The following FZD6 variants were observed in gnomAD, a reference collection of about 807,000 sequenced individuals.
FZD6 encodes the protein frizzled-6.
A neutral mutation model predicts 61.4 loss-of-function variants in FZD6; 49 were observed. The ratio of observed to expected loss-of-function variants is 0.80; its 90% CI spans 0.63 to 1.01. FZD6 has a LOEUF of 1.01. FZD6 is among the 50% of genes least tolerant of loss of function. The probability of loss-of-function intolerance (pLI) is 0.00; values close to 1 mark genes in which losing one functional copy is unlikely to be tolerated. For missense variants in FZD6, 724 were observed against 848.2 expected (o/e 0.85, Z 1.82); for synonymous variants, 265 against 292.2 (o/e 0.91, Z 0.95).
At chr8:103,305,665 G>A (rs1222672480) in intron 2 of FZD6, among the ~76,000 whole-genome samples, 2 of 152,220 alleles carry the variant, frequency 1.3e-5, no homozygotes, top group African/African-American at 4.8e-5. Context: ...GAAATAAATA[G>A]TGAGAAGTGT....
intron 2 of FZD6, among the ~76,000 whole-genome samples, chr8:103,306,810 TTCA>T (rs1440060553): frequency 3.3e-5 from 5 of 151,982 alleles, no homozygotes; most frequent in African/African-American, 1.2e-4. Flanking sequence ...TGGCCCCAGG[TTCA>T]TCACTTTTTT....
Position 103,300,197 on chromosome 8 carries a change from C to T in FZD6, c.90C>T (p.Pro30=). 6 of 1,605,534 alleles carry T rather than the reference C, an allele frequency of 3.7e-6. No individual in the cohort carries two copies. Among genetic ancestry groups the T allele is most frequent in the Non-Finnish European group, 4.3e-6 (5 of 1,172,180 alleles). The change falls in exon 2 of 7, where the codon CCC becomes CCT. Residue 30 remains proline, a synonymous_variant. Transcript: ENST00000358755. ...SLFTCEPITV[P]RCMKMAYNMT... is the part of the protein sequence containing the mutation. ...TCACCTGTGAACCAATTACTGTTCC[C>T]AGATGTATGAAAATGGCCTACAACA...
At chr8:103,311,891 C>T (rs1814506250) in intron 2 of FZD6, among the ~76,000 whole-genome samples, 1 of 151,988 alleles carries the variant, frequency 6.6e-6, no homozygotes, top group Admixed American at 6.6e-5. Context: ...TACTCTGAGA[C>T]TCAGAAACAG....
Position 103,325,375 on chromosome 8 carries a change from G to A in FZD6, c.1269G>A (p.Leu423=), listed in dbSNP as rs779823367. ...FMIRIGVFSG[L]YLVPLVTLLG... is the part of the protein sequence containing the mutation. ...TTCGAATTGGAGTCTTCAGCGGCTT[G>A]TATCTTGTGCCATTAGTGACACTTC... Residue 423 remains leucine, a synonymous_variant, in exon 4 of 7, where the codon TTG becomes TTA. Transcript: ENST00000358755. 1 of 1,613,850 alleles carries A rather than the reference G, an allele frequency of 6.2e-7. No individual in the cohort carries two copies. The highest frequency in any genetic ancestry group is 8.5e-7 in the Non-Finnish European group (1 of 1,179,912).
At chr8:103,299,438 T>G (rs556033317) in intron 1 of FZD6, among the ~76,000 whole-genome samples, 1 of 152,306 alleles carries the variant, frequency 6.6e-6, no homozygotes, top group South Asian at 2.1e-4. Context: ...ATGTTGCTCC[T>G]CCACTGGAGG....
chr8:103,331,455 C>T lies in FZD6; in HGVS notation c.2067C>T (p.His689=), dbSNP rs2130351009. 2 of 1,611,214 alleles carry T rather than the reference C, an allele frequency of 1.2e-6. No homozygotes were observed. Among genetic ancestry groups the T allele is most frequent in the African/African-American group, 1.3e-5 (1 of 74,966 alleles). The change falls in exon 7 of 7, where the codon CAC becomes CAT. Residue 689 remains histidine (H), a synonymous_variant. Coordinates refer to ENST00000358755, the MANE Select transcript of FZD6 (RefSeq NM_003506.4). ...AAGGTTCCACATCTCTGCTTGTTCACCCGGTTTCAGGAGTGAGAAAAGAGC... is the reference window on the plus strand; with the variant it reads ...AAGGTTCCACATCTCTGCTTGTTCATCCGGTTTCAGGAGTGAGAAAAGAGC... ...SLKGSTSLLV[H]PVSGVRKEQG...
chr8:103,330,939 A>T (rs762368441), intron 6 of FZD6, among the ~76,000 whole-genome samples: 6 of 152,194 alleles, frequency 3.9e-5, no homozygotes, highest in East Asian at 3.9e-4. Context: ...GCACTTTGGG[A>T]GGCCAAGGTG....
intron 2 of FZD6, among the ~76,000 whole-genome samples, chr8:103,307,485 T>C (rs1453839864): frequency 2.0e-5 from 3 of 152,156 alleles, no homozygotes; most frequent in Non-Finnish European, 1.5e-5. Context: ...TATATTCTAG[T>C]GGAGGGAATG....
At chr8:103,312,572 A>G (rs957559628) in intron 2 of FZD6, among the ~76,000 whole-genome samples, 2 of 152,250 alleles carry the variant, frequency 1.3e-5, no homozygotes, top group Non-Finnish European at 2.9e-5. Flanking sequence ...GACATAAGAA[A>G]TATCTCAATG....
chr8:103,298,504 C>T (rs190632224), upstream of FZD6: 12 of 152,334 alleles, frequency 7.9e-5, no homozygotes, highest in East Asian at 2.3e-3. Context: ...ATTCTTGACT[C>T]CTGAAATCCG....
chr8:103,328,545 G>T (rs141751439), intron 5 of FZD6, 129 bp downstream of exon 5: 8 of 789,992 alleles, frequency 1.0e-5, no homozygotes, highest in Admixed American at 5.5e-5. Context: ...GCCAACTGAA[G>T]TTTGGAAATT....
At chr8:103,330,861 GAAGT>G in intron 6 of FZD6, among the ~76,000 whole-genome samples, 1 of 152,280 alleles carries the variant, frequency 6.6e-6, no homozygotes, top group East Asian at 1.9e-4. Context: ...TGAAGTTTCT[GAAGT>G]AAGTGAAAAT....
chr8:103,318,523 TAA>T (rs1814693594), intron 2 of FZD6, 65 bp from the exon 3 acceptor site: 4 of 907,992 alleles, frequency 4.4e-6, no homozygotes, highest in Non-Finnish European at 7.3e-6. Flanking sequence ...CTTTAAACAG[TAA>T]ATATATTAAT....
Position 103,310,656 on chromosome 8 carries a change from C to T in FZD6, c.178-7934C>T, listed in dbSNP as rs78293472. ...CAAGCAGTACCATTAGAAGTCCTCA[C>T]CCTACCCTACAATCTGATAACTCAT... On this transcript the variant is annotated intron_variant, in intron 2 of 6. Transcript: ENST00000358755. Among the ~76,000 whole-genome samples the T allele has an allele frequency of 2.3e-4, 35 of 152,280 alleles. 1 individual carries two copies. The East Asian group carries it at 6.7e-3, about 29-fold the overall frequency.
chr8:103,309,161 G>T (rs1563686269), intron 2 of FZD6, among the ~76,000 whole-genome samples: 1 of 152,126 alleles, frequency 6.6e-6, no homozygotes, highest in Non-Finnish European at 1.5e-5. Flanking sequence ...GAATCAATAG[G>T]TCTGGGATGG....
Position 103,331,463 on chromosome 8 carries a change from C to T in FZD6, c.2075C>T (p.Ser692Leu). The T allele has an allele frequency of 3.1e-6, 5 of 1,612,108 alleles. No individual in the cohort carries two copies. In the African/African-American group the frequency reaches 5.3e-5, roughly 17 times the overall value. Residue 692 changes from serine to leucine, a missense_variant, in exon 7 of 7, where the codon TCA becomes TTA. Transcript: ENST00000358755. ...GSTSLLVHPV[S>L]GVRKEQGGGC... is the part of the protein sequence containing the mutation. The stretch of plus-strand genomic sequence containing the variant: ...ACATCTCTGCTTGTTCACCCGGTTT[C>T]AGGAGTGAGAAAAGAGCAGGGAGGT...
chr8:103,326,829 C>A (rs1222584332), intron 4 of FZD6, among the ~76,000 whole-genome samples: 3 of 151,422 alleles, frequency 2.0e-5, no homozygotes, highest in Non-Finnish European at 2.9e-5. Context: ...AAGAAAAAAA[C>A]CATCCATCTG....
intron 2 of FZD6, among the ~76,000 whole-genome samples, 162 bp downstream of exon 2, chr8:103,300,446 T>C (rs753590619): frequency 2.6e-5 from 4 of 152,240 alleles, no homozygotes; most frequent in African/African-American, 9.6e-5. Context: ...TACTGACTTA[T>C]GTTTTGTGTA....
chr8:103,302,665 A>T (rs1814206485), intron 2 of FZD6, among the ~76,000 whole-genome samples: 1 of 152,186 alleles, frequency 6.6e-6, no homozygotes, highest in Non-Finnish European at 1.5e-5. Flanking sequence ...TTTAGAATGC[A>T]ATGTGTAAAT....
Sources: gnomAD v4.1 joint callset for allele counts (sites outside exome capture counted in the v4.1 genomes callset) on GRCh38, gnomAD v4.1.1 for gene constraint, MANE v1.5 for transcripts, NCBI Gene and HGNC (gene_info 2026-07-23, HGNC 2026-07-21) for gene names.